The following CCDC88C variants were observed in gnomAD, a reference collection of about 807,000 sequenced individuals.
The protein encoded by CCDC88C is coiled-coil and HOOK domain protein 88C.
Under a neutral mutation model 198.8 loss-of-function variants are expected in CCDC88C, and 131 were observed. The ratio of observed to expected loss-of-function variants is 0.66; its 90% CI spans 0.57 to 0.76. The LOEUF (loss-of-function observed/expected upper bound fraction) is 0.76, where lower values mean the gene tolerates loss of function less well. Among genes scored for constraint, CCDC88C ranks in the 30% least tolerant of loss-of-function variants. CCDC88C has a pLI of 0.00. For synonymous variants in CCDC88C, 1,166 were observed against 1,114.7 expected, an observed-to-expected ratio of 1.05 and a Z score of -0.92; for missense variants, 2,553 against 2,631.6, an observed-to-expected ratio of 0.97 and a Z score of 0.65.
chr14:91,290,902 C>T (rs949186151), intron 24 of CCDC88C, 93 bp downstream of exon 24: 44 of 742,604 alleles, frequency 5.9e-5, no homozygotes, highest in African/African-American at 1.4e-4. Context: ...GTGGATGGTG[C>T]GGGGCCTGCC....
At chr14:91,348,632 T>C (rs565828146) in intron 4 of CCDC88C, among the ~76,000 whole-genome samples, 1 of 152,186 alleles carries the variant, frequency 6.6e-6, no homozygotes, top group South Asian at 2.1e-4. Context: ...CCAACACCCA[T>C]TAGACATCAA....
rs774075640 is a variant in CCDC88C, at chr14:91,416,727, A to T, written c.161+11T>A. ...CCATTCTTTCCTTCCTCCGAGAAGA[A>T]GGTAACTTACATTTGCAGCATAATT... On this transcript the variant is annotated intron_variant, in intron 2 of 29. Transcript: ENST00000389857. 5 of 1,570,786 alleles carry T rather than the reference A, an allele frequency of 3.2e-6. No homozygotes were observed. The highest frequency in any genetic ancestry group is 4.4e-6 in the Non-Finnish European group (5 of 1,141,230).
chr14:91,316,276 A>T (rs1372753724), intron 13 of CCDC88C, among the ~76,000 whole-genome samples: 1 of 152,188 alleles, frequency 6.6e-6, no homozygotes, highest in Non-Finnish European at 1.5e-5. Context: ...TGGCCTGGAC[A>T]GCCACCCAGT....
At position 91,305,746 on chromosome 14, in the gene CCDC88C, TGTTGGG is replaced by T. The variant is rs758842512; in HGVS notation, c.3357+13_3357+18del. On this transcript the variant is annotated intron_variant, in intron 19 of 29. Transcript: ENST00000389857. ...ATCCCGCCAGGCTTGTGACCACTGG[TGTTGGG>T]AGCCCCGCTCACCTGCAGCTTGGCG... 1 of 1,591,004 alleles carries T rather than the reference TGTTGGG, an allele frequency of 6.3e-7. No homozygotes were observed. The highest frequency in any genetic ancestry group is 1.3e-5 in the African/African-American group (1 of 74,552).
intron 4 of CCDC88C, among the ~76,000 whole-genome samples, chr14:91,344,388 C>T (rs1003701198): frequency 1.3e-5 from 2 of 152,176 alleles, no homozygotes; most frequent in African/African-American, 4.8e-5. Flanking sequence ...TGAACCTCCA[C>T]AATACACTCA....
chr14:91,332,269 A>G (rs1187744564), intron 10 of CCDC88C, among the ~76,000 whole-genome samples: 1 of 152,056 alleles, frequency 6.6e-6, no homozygotes, highest in Non-Finnish European at 1.5e-5. Context: ...CCTGAGGGCA[A>G]CCCCCATGCC....
chr14:91,351,587 C>G (rs1159968744), intron 4 of CCDC88C, among the ~76,000 whole-genome samples: 1 of 152,234 alleles, frequency 6.6e-6, no homozygotes, highest in Non-Finnish European at 1.5e-5. Flanking sequence ...GGCTCACATT[C>G]TGGGGAGCGG....
In CCDC88C at chr14:91,371,146, C is replaced by T. The variant is rs2025065; in HGVS notation, c.271-11435G>A. Among the ~76,000 whole-genome samples, 40,827 of 152,004 alleles carry T rather than the reference C, an allele frequency of 0.27. 6,294 individuals are homozygous for T. The highest frequency in any genetic ancestry group is 0.33 in the East Asian group (1,690 of 5,162). On this transcript the variant is annotated intron_variant, in intron 3 of 29. Transcript: ENST00000389857. The surrounding 1 kb of genome is among the most constrained non-coding windows in gnomAD (Gnocchi z 4.2). The stretch of plus-strand genomic sequence containing the variant: ...CTAAGTCCACCCCTCCTGGCTAAAA[C>T]GACAGCATCGGTGCTCCAGTGCTTG...
At position 91,289,129 on chromosome 14, in the gene CCDC88C, C is replaced by G. The variant is rs747515656; in HGVS notation, c.4417G>C (p.Ala1473Pro). 6.2e-7 allele frequency: 1 copy of G among 1,612,798 alleles called. No individual in the cohort carries two copies. Among genetic ancestry groups the G allele is most frequent in the African/African-American group, 1.3e-5 (1 of 74,898 alleles). ...CCTTTCCCCACAGACCCGTTGTGGG[C>G]GTCGCGCTCTTCTGCACAGTTGGAG... ...LGSNCAEERD[A>P]HNGSVGKGPG... Residue 1473 changes from alanine to proline, a missense_variant, in exon 25 of 30, where the codon GCC becomes CCC. By Grantham distance (27) the Ala-to-Pro change is conservative (BLOSUM62 -1). This residue lies in a region of CCDC88C where 1,293 missense variants were observed against 1,219.6 expected (regional missense o/e 1.06). Transcript: ENST00000389857.
At chr14:91,315,968 G>A (rs1463822807) in intron 13 of CCDC88C, 181 bp from the exon 14 acceptor site, 1 of 606,120 alleles carries the variant, frequency 1.6e-6, no homozygotes, top group African/African-American at 1.9e-5. Flanking sequence ...AAGACAGAAA[G>A]TCACCAGGAA....
Position 91,339,493 on chromosome 14 carries a change from G to C in CCDC88C, c.625-31C>G. The stretch of plus-strand genomic sequence containing the variant: ...GCCGGGCAGAGAGGGGGATGGAGGA[G>C]AACAAACGGGGTTAACCAGCACAAC... On this transcript the variant is annotated intron_variant, in intron 7 of 29. Coordinates refer to ENST00000389857, the MANE Select transcript of CCDC88C (RefSeq NM_001080414.4). The surrounding 1 kb of genome is among the most constrained non-coding windows in gnomAD (Gnocchi z 5.8). 1.3e-6 allele frequency: 2 copies of C among 1,581,070 alleles called. No individual in the cohort carries two copies. Among genetic ancestry groups the C allele is most frequent in the Non-Finnish European group, 1.7e-6 (2 of 1,159,232 alleles).
At chr14:91,380,550 A>ATCTG (rs1884727532) in intron 3 of CCDC88C, among the ~76,000 whole-genome samples, 1 of 2,980 alleles carries the variant, frequency 3.4e-4, no homozygotes, top group Non-Finnish European at 3.0e-3. Flanking sequence ...GATTGGCTCC[A>ATCTG]TCTTTTTTCC....
chr14:91,295,779 A>G (rs774994046), intron 22 of CCDC88C, among the ~76,000 whole-genome samples: 3 of 152,148 alleles, frequency 2.0e-5, no homozygotes, highest in East Asian at 1.9e-4. Context: ...CCCAGAATTC[A>G]TACAGTGAAG....
Position 91,285,744 on chromosome 14 carries a change from G to A in CCDC88C, c.4442-2227C>T, listed in dbSNP as rs374854765. Reference sequence around the variant, plus strand: ...GGGATGTCGGAGGAAGACCAGAACCGCAGGCGTTTAGAGAGAGCTGGGTGG... The same window carrying A: ...GGGATGTCGGAGGAAGACCAGAACCACAGGCGTTTAGAGAGAGCTGGGTGG... On this transcript the variant is annotated intron_variant, in intron 25 of 29. Coordinates refer to ENST00000389857, the MANE Select transcript of CCDC88C (RefSeq NM_001080414.4). The A allele has an allele frequency of 1.6e-5, 20 of 1,288,912 alleles. 1 individual carries two copies. The Middle Eastern group carries it at 2.8e-3, about 179-fold the overall frequency. 79.8% of individuals were successfully genotyped at this position (1,288,912 alleles called of 1,614,324 possible).
rs139506400 is a variant in CCDC88C, at chr14:91,338,068, C to T, written c.987G>A (p.Glu329=). The part of the protein sequence containing the change: ...REKANRVERL[E]LELTRCKEKL... ...TCTCCTTGCAGCGGGTCAGCTCCAG[C>T]TCCAGCCTCTCCACGCGGTTCGCCT... Residue 329 remains glutamate, a synonymous_variant, in exon 10 of 30, where the codon GAG becomes GAA. Coordinates refer to ENST00000389857, the MANE Select transcript of CCDC88C (RefSeq NM_001080414.4). This position sits in a 1 kb window ranked among gnomAD's most constrained non-coding sequence, Gnocchi z 4.8. 6.0e-4 allele frequency: 975 copies of T among 1,613,830 alleles called. No individual in the cohort carries two copies. The highest frequency in any genetic ancestry group is 7.8e-4 in the Non-Finnish European group (915 of 1,179,896).
chr14:91,336,585 T>C (rs1893054855), intron 10 of CCDC88C, among the ~76,000 whole-genome samples: 1 of 152,046 alleles, frequency 6.6e-6, no homozygotes, highest in African/African-American at 2.4e-5. Flanking sequence ...CAGAGATTCG[T>C]GCCTCTCATA....
In CCDC88C at chr14:91,273,322, C is replaced by T. The variant is rs201814255; in HGVS notation, c.5390G>A (p.Arg1797His). 4.1e-4 allele frequency: 635 copies of T among 1,552,518 alleles called. 3 individuals are homozygous for T. The East Asian group carries it at 9.8e-3, about 24-fold the overall frequency. Reference protein sequence around the residue: ...VPPASHAPASRSASLSRAFSL... With the variant: ...VPPASHAPASHSASLSRAFSL... ...GAAGGCCCGGCTCAAGGAGGCACTG[C>T]GGCTGGCAGGTGCATGGGAAGCTGG... The change falls in exon 30 of 30, where the codon CGC becomes CAC. Residue 1797 changes from arginine (R) to histidine (H), a missense_variant. Transcript: ENST00000389857. This position sits in a 1 kb window ranked among gnomAD's most constrained non-coding sequence, Gnocchi z 5.6.
At chr14:91,301,745 T>C (rs1385685579) in intron 20 of CCDC88C, among the ~76,000 whole-genome samples, 1 of 152,190 alleles carries the variant, frequency 6.6e-6, no homozygotes, top group Admixed American at 6.5e-5. Context: ...AAGAATACAA[T>C]ACAGCATTAT....
chr14:91,365,861 G>A (rs941788036), intron 3 of CCDC88C, among the ~76,000 whole-genome samples: 3 of 152,254 alleles, frequency 2.0e-5, no homozygotes, highest in East Asian at 1.9e-4. Context: ...GGTTCAGGAC[G>A]CTATGGCCAC....
Sources: allele counts gnomAD v4.1 joint callset (sites outside exome capture counted in the v4.1 genomes callset), GRCh38; gene constraint gnomAD v4.1.1; regional missense constraint gnomAD v4.1.1; non-coding constraint Gnocchi (gnomAD v3.1); transcripts MANE v1.5; gene names NCBI Gene and HGNC (gene_info 2026-07-23, HGNC 2026-07-21).